Variants in EPHA6 observed in about 807,000 individuals in gnomAD.
The protein encoded by EPHA6 is EPH receptor A6, also known as ephrin type-A receptor 6.
In EPHA6, 50 loss-of-function variants were observed where a neutral mutation model predicts 112.0. The ratio of observed to expected loss-of-function variants is 0.45; its 90% confidence interval spans 0.36 to 0.56. The LOEUF is 0.56. EPHA6 is among the 20% of genes least tolerant of loss of function. The probability of loss-of-function intolerance (pLI) is 0.00; values close to 1 mark genes in which losing one functional copy is unlikely to be tolerated. For missense variants in EPHA6, 1,280 were observed against 1,417.4 expected (o/e 0.90, Z 1.56); for synonymous variants, 529 against 490.7 (o/e 1.08, Z -1.03).
intron 5 of EPHA6, among the ~76,000 whole-genome samples, chr3:97,321,845 C>G (rs994903604): frequency 5.3e-5 from 8 of 152,022 alleles, no homozygotes; most frequent in Admixed American, 4.6e-4. Flanking sequence ...TATTTCCAGG[C>G]AGGACAGGCT....
intron 2 of EPHA6, among the ~76,000 whole-genome samples, chr3:96,925,619 T>TTC (rs397874631): frequency 4.7e-5 from 7 of 148,870 alleles, no homozygotes; most frequent in African/African-American, 1.7e-4. Context: ...TTTTTTTTTT[T>TTC]CCCAAGACAG....
intron 6 of EPHA6, among the ~76,000 whole-genome samples, chr3:97,444,747 G>A (rs1439575719): frequency 6.6e-6 from 1 of 152,084 alleles, no homozygotes; most frequent in Non-Finnish European, 1.5e-5. Context: ...GAACACCTGA[G>A]CCTATTTGTT....
chr3:97,072,904 AAATAT>A (rs2046403770), intron 3 of EPHA6, among the ~76,000 whole-genome samples: 1 of 152,102 alleles, frequency 6.6e-6, no homozygotes, highest in Non-Finnish European at 1.5e-5. Context: ...CAATTAAATT[AAATAT>A]GAGTTTTTCT....
intron 3 of EPHA6, among the ~76,000 whole-genome samples, chr3:97,017,248 A>G (rs1400763961): frequency 6.6e-6 from 1 of 152,180 alleles, no homozygotes; most frequent in Admixed American, 6.5e-5. Context: ...CACCTCTTCC[A>G]TTCCCTGGAA....
intron 4 of EPHA6, among the ~76,000 whole-genome samples, chr3:97,227,082 T>C (rs897186032): frequency 2.0e-5 from 3 of 152,116 alleles, no homozygotes; most frequent in Non-Finnish European, 4.4e-5. Context: ...ATTTAAAAAA[T>C]AAAAGTGAAT....
chr3:97,570,985 G>T (rs968199805), intron 11 of EPHA6, among the ~76,000 whole-genome samples: 1 of 152,134 alleles, frequency 6.6e-6, no homozygotes, highest in African/African-American at 2.4e-5. Flanking sequence ...TGTTGAGAAT[G>T]AAAGGGTCAG....
intron 7 of EPHA6, among the ~76,000 whole-genome samples, chr3:97,465,155 G>A (rs188624724): frequency 6.6e-6 from 1 of 152,094 alleles, no homozygotes; most frequent in African/African-American, 2.4e-5. Context: ...GTCAGGAAAT[G>A]TTCCCTTTCA....
At chr3:97,432,418 G>A (rs972453440) in intron 6 of EPHA6, among the ~76,000 whole-genome samples, 1 of 151,998 alleles carries the variant, frequency 6.6e-6, no homozygotes, top group African/African-American at 2.4e-5. Flanking sequence ...ATTAACATTC[G>A]ACTCATTACA....
chr3:97,103,332 G>C (rs1333395613), intron 3 of EPHA6, among the ~76,000 whole-genome samples: 3 of 151,696 alleles, frequency 2.0e-5, no homozygotes, highest in Admixed American at 2.0e-4. Context: ...AGTGTAGGGA[G>C]GGGATCCAGT....
At chr3:97,225,160 T>TTAGC (rs2078318380) in intron 3 of EPHA6, among the ~76,000 whole-genome samples, 1 of 152,192 alleles carries the variant, frequency 6.6e-6, no homozygotes, top group Admixed American at 6.5e-5. Context: ...TTTCACCGTG[T>TTAGC]TAGCCAGAAT....
intron 2 of EPHA6, among the ~76,000 whole-genome samples, chr3:96,905,506 G>T (rs1348239493): frequency 2.0e-5 from 3 of 151,830 alleles, no homozygotes; most frequent in Non-Finnish European, 4.4e-5. Context: ...ATGTCTTTAT[G>T]CAAAGACAAT....
intron 10 of EPHA6, among the ~76,000 whole-genome samples, chr3:97,503,356 G>A (rs1390146772): frequency 6.6e-6 from 1 of 151,954 alleles, no homozygotes; most frequent in Non-Finnish European, 1.5e-5. Flanking sequence ...TTAAAATTTT[G>A]CTCCCTAGGT....
intron 3 of EPHA6, among the ~76,000 whole-genome samples, chr3:97,115,110 CA>C (rs1418849095): frequency 6.6e-6 from 1 of 151,914 alleles, no homozygotes; most frequent in Non-Finnish European, 1.5e-5. Context: ...AGTCAGCTAT[CA>C]AAAGGCCTTA....
chr3:97,351,705 G>GAAAATATGAT (rs1224544683), intron 5 of EPHA6, among the ~76,000 whole-genome samples: 2 of 152,070 alleles, frequency 1.3e-5, no homozygotes, highest in African/African-American at 4.8e-5. Context: ...TCTAGGATTA[G>GAAAATATGAT]AAAATATGAT....
chr3:97,281,044 A>G (rs1327945697), intron 5 of EPHA6, among the ~76,000 whole-genome samples: 1 of 152,226 alleles, frequency 6.6e-6, no homozygotes, highest in Non-Finnish European at 1.5e-5. Flanking sequence ...TTTTAAATTA[A>G]GTAAACTTCT....
intron 5 of EPHA6, among the ~76,000 whole-genome samples, chr3:97,330,570 C>G (rs2082738187): frequency 6.6e-6 from 1 of 151,998 alleles, no homozygotes; most frequent in Admixed American, 6.6e-5. Context: ...ATTTAATTCT[C>G]TTTGAAGCAG....
intron 3 of EPHA6, among the ~76,000 whole-genome samples, chr3:97,078,760 A>G (rs2046620709): frequency 2.0e-5 from 3 of 151,878 alleles, no homozygotes; most frequent in Admixed American, 2.0e-4. Context: ...CTATATCTCA[A>G]ACAGATGCAA....
At chr3:97,596,043 C>T (rs1170939468) in intron 12 of EPHA6, among the ~76,000 whole-genome samples, 1 of 151,498 alleles carries the variant, frequency 6.6e-6, no homozygotes, top group East Asian at 2.0e-4. Flanking sequence ...GTAGCTGGGA[C>T]TACAGGCGCC....
intron 10 of EPHA6, among the ~76,000 whole-genome samples, chr3:97,528,095 G>C (rs1270871179): frequency 6.6e-6 from 1 of 152,138 alleles, no homozygotes; most frequent in East Asian, 1.9e-4. Context: ...ACTCATTTTA[G>C]ACAAGAGACA....
Sources: gnomAD v4.1 joint callset for allele counts (sites outside exome capture counted in the v4.1 genomes callset) on GRCh38, gnomAD v4.1.1 for gene constraint, MANE v1.5 for transcripts, NCBI Gene and HGNC (gene_info 2026-07-23, HGNC 2026-07-21) for gene names.